Variants in HDAC4 observed in about 807,000 individuals in gnomAD.
The protein encoded by HDAC4 is histone deacetylase A.
Under a neutral mutation model 135.1 loss-of-function variants are expected in HDAC4, and 16 were observed. The ratio of observed to expected loss-of-function variants is 0.12; its 90% CI spans 0.08 to 0.18. The LOEUF (loss-of-function observed/expected upper bound fraction) is 0.18. Ranked by LOEUF, HDAC4 falls within the 10% of genes least tolerant of loss-of-function variation. The probability of loss-of-function intolerance (pLI) is 1.00; values close to 1 mark genes in which losing one functional copy is unlikely to be tolerated. For synonymous variants in HDAC4, 685 were observed against 653.4 expected (o/e 1.05, Z -0.74); for missense variants, 1,143 against 1,511.8 (o/e 0.76, Z 4.05).
At chr2:239,390,936 G>C (rs1313794664) in intron 1 of HDAC4, among the ~76,000 whole-genome samples, 1 of 152,128 alleles carries the variant, frequency 6.6e-6, no homozygotes, top group East Asian at 1.9e-4. Context: ...AGGGAAAGCG[G>C]GGCAGCCTGG....
intron 22 of HDAC4, among the ~76,000 whole-genome samples, chr2:239,073,558 G>C (rs1299905320): frequency 1.3e-5 from 2 of 152,276 alleles, no homozygotes; most frequent in African/African-American, 2.4e-5. Context: ...TGGCCCACCA[G>C]CTGGAGTTGC....
At chr2:239,207,840 G>A (rs1304270581) in intron 3 of HDAC4, among the ~76,000 whole-genome samples, 1 of 152,170 alleles carries the variant, frequency 6.6e-6, no homozygotes, top group Non-Finnish European at 1.5e-5. Flanking sequence ...GCAGGATCCT[G>A]AGCCAATCCT....
At chr2:239,061,363 T>A (rs1437710207) in intron 24 of HDAC4, among the ~76,000 whole-genome samples, 3 of 150,514 alleles carry the variant, frequency 2.0e-5, no homozygotes, top group Non-Finnish European at 4.4e-5. Flanking sequence ...TGTGTGAGAC[T>A]GTGGTACCTG....
intron 2 of HDAC4, among the ~76,000 whole-genome samples, chr2:239,258,279 A>C (rs2049156404): frequency 6.6e-6 from 1 of 152,108 alleles, no homozygotes; most frequent in Non-Finnish European, 1.5e-5. Flanking sequence ...ACCGAGACAG[A>C]ATGTGCAGGC....
At chr2:239,116,208 C>T (rs1280907689) in intron 12 of HDAC4, among the ~76,000 whole-genome samples, 1 of 152,178 alleles carries the variant, frequency 6.6e-6, no homozygotes, top group African/African-American at 2.4e-5. Context: ...CAGCGACTCC[C>T]AAAGGTGGTG....
intron 1 of HDAC4, among the ~76,000 whole-genome samples, chr2:239,392,114 C>A (rs926261790): frequency 2.0e-5 from 3 of 152,244 alleles, no homozygotes; most frequent in African/African-American, 7.2e-5. Flanking sequence ...TGGGATGGCC[C>A]AGCCCGGCTG....
intron 3 of HDAC4, among the ~76,000 whole-genome samples, chr2:239,218,425 C>G (rs954937051): frequency 1.3e-5 from 2 of 151,018 alleles, no homozygotes; most frequent in Non-Finnish European, 2.9e-5. Flanking sequence ...ATGTAGAAAG[C>G]TGAAACTGGA....
intron 4 of HDAC4, among the ~76,000 whole-genome samples, chr2:239,177,638 TGACGTC>T (rs924258459): frequency 6.6e-6 from 1 of 152,080 alleles, no homozygotes; most frequent in African/African-American, 2.4e-5. Flanking sequence ...TTTCAAAAAC[TGACGTC>T]GACATAAAAT....
chr2:239,146,060 C>T lies in HDAC4; in HGVS notation c.734-1346G>A, dbSNP rs113218099. 3.9e-5 allele frequency among the ~76,000 whole-genome samples: 6 copies of T among 152,152 alleles called. No homozygotes were observed. The highest frequency in any genetic ancestry group is 9.7e-5 in the African/African-American group (4 of 41,432). ...GGAGCGAGGCCTCTGTGCTGTGGCA[C>T]GGGGGACCTGGATGACGACAGATGA... On this transcript the variant is annotated intron_variant, in intron 7 of 26. Coordinates refer to ENST00000543185, the MANE Select transcript of HDAC4 (RefSeq NM_001378414.1). The surrounding 1 kb of genome is among the most constrained non-coding windows in gnomAD (Gnocchi z 4.5).
At chr2:239,329,223 G>A (rs1476976047) in intron 2 of HDAC4, among the ~76,000 whole-genome samples, 1 of 152,062 alleles carries the variant, frequency 6.6e-6, no homozygotes, top group Non-Finnish European at 1.5e-5. Context: ...GGGGTCCACG[G>A]GGACCCCACC....
intron 3 of HDAC4, among the ~76,000 whole-genome samples, chr2:239,204,182 C>G (rs2045914908): frequency 6.6e-6 from 1 of 152,218 alleles, no homozygotes; most frequent in South Asian, 2.1e-4. Flanking sequence ...GTGAGCTCCT[C>G]TCTGCGCAGG....
At chr2:239,371,431 TCA>T (rs551313061) in intron 1 of HDAC4, among the ~76,000 whole-genome samples, 49 of 151,576 alleles carry the variant, frequency 3.2e-4, no homozygotes, top group Admixed American at 5.9e-4. Context: ...AACCTCAAAC[TCA>T]CACATTCAAT....
chr2:239,324,185 A>G (rs2053401499), intron 2 of HDAC4, among the ~76,000 whole-genome samples: 1 of 152,248 alleles, frequency 6.6e-6, no homozygotes, highest in Admixed American at 6.5e-5. Context: ...AACATAGAGT[A>G]CTTGGACAAT....
At chr2:239,083,069 T>C (rs2152690786) in intron 20 of HDAC4, among the ~76,000 whole-genome samples, 1 of 152,142 alleles carries the variant, frequency 6.6e-6, no homozygotes, top group Non-Finnish European at 1.5e-5. Context: ...CCCCACAGAG[T>C]AGGTAATCGC....
chr2:239,234,073 C>A (rs564161212), intron 3 of HDAC4, among the ~76,000 whole-genome samples: 3 of 152,286 alleles, frequency 2.0e-5, no homozygotes, highest in Admixed American at 6.5e-5. Flanking sequence ...TATTTCTTTG[C>A]AGTATTTTTC....
In HDAC4 at chr2:239,189,929, C is replaced by A. The variant is rs2153042753; in HGVS notation, c.243G>T (p.Lys81Asn). 1 of 1,610,766 alleles carries A rather than the reference C, an allele frequency of 6.2e-7. No homozygotes were observed. Among genetic ancestry groups the A allele is most frequent in the Non-Finnish European group, 8.5e-7 (1 of 1,179,926 alleles). The change falls in exon 4 of 27, where the codon AAG (lysine) becomes AAT (asparagine). Residue 81 changes from lysine to asparagine, a missense_variant. By Grantham distance (94) the Lys-to-Asn change is moderately conservative. Coordinates refer to ENST00000543185, the MANE Select transcript of HDAC4 (RefSeq NM_001378414.1). ...LQQELLALKQKQQIQRQILIA... is the reference protein window; with the variant it reads ...LQQELLALKQNQQIQRQILIA... ...TGAGGATCTGCCTCTGGATCTGCTG[C>A]TTCTGCTTGAGCGCCAGGAGCTCCT... is the stretch of plus-strand genomic sequence containing the variant.
chr2:239,170,293 T>A (rs2043370323), intron 5 of HDAC4, among the ~76,000 whole-genome samples: 2 of 152,356 alleles, frequency 1.3e-5, no homozygotes, highest in South Asian at 4.1e-4. Flanking sequence ...AATTCTAATT[T>A]AGCATTAGTT....
intron 22 of HDAC4, 107 bp downstream of exon 22, chr2:239,080,972 CCCACAGCCCCGTTCAG>C (rs2035259226): frequency 1.4e-6 from 1 of 708,018 alleles, no homozygotes; most frequent in African/African-American, 1.8e-5. Flanking sequence ...TCCTCCGGAC[CCCACAGCCCCGTTCAG>C]CCACAGACCA....
chr2:239,174,760 T>C (rs1559554450), intron 5 of HDAC4, among the ~76,000 whole-genome samples: 1 of 152,230 alleles, frequency 6.6e-6, no homozygotes, highest in Non-Finnish European at 1.5e-5. Flanking sequence ...AATGACTACA[T>C]TGGTGCATTT....
Sources: gnomAD v4.1 joint callset for allele counts (sites outside exome capture counted in the v4.1 genomes callset) on GRCh38, gnomAD v4.1.1 for gene constraint, Gnocchi (gnomAD v3.1) non-coding constraint, MANE v1.5 for transcripts, NCBI Gene and HGNC (gene_info 2026-07-23, HGNC 2026-07-21) for gene names.